CCDC92: variants seen among roughly 807,000 people sequenced by gnomAD.
The protein encoded by CCDC92 is coiled-coil domain-containing protein 92.
In CCDC92, 12 loss-of-function variants were observed where a neutral mutation model predicts 24.9. That is an observed-to-expected ratio of 0.48 (90% CI 0.31 to 0.78). The LOEUF is 0.78. Ranked by LOEUF, CCDC92 falls within the 30% of genes least tolerant of loss-of-function variation. The pLI is 0.05. For synonymous variants in CCDC92, 193 were observed against 196.3 expected (o/e 0.98, Z 0.14); for missense variants, 399 against 439.4 (o/e 0.91, Z 0.82).
At chr12:123,944,901 C>G (rs1017174253) in intron 1 of CCDC92, 4 of 152,166 alleles carry the variant, frequency 2.6e-5, no homozygotes, top group African/African-American at 9.6e-5. Context: ...ACGGCAAGTA[C>G]AGTCTCGGGG....
intron 1 of CCDC92, among the ~76,000 whole-genome samples, chr12:123,959,637 T>G (rs886373718): frequency 1.3e-5 from 2 of 152,182 alleles, no homozygotes; most frequent in Non-Finnish European, 1.5e-5. Flanking sequence ...ATCACTTAAT[T>G]CTTGAAACAA....
In CCDC92 at chr12:123,938,448, A is replaced by G. The variant is rs376918723; in HGVS notation, c.224-618T>C. Reference sequence around the variant, plus strand: ...CTTGGTCCCTCCCTGCCCCTGCCCTAACACTTCGGGCCTCTGCCTCCTTTT... The same window carrying G: ...CTTGGTCCCTCCCTGCCCCTGCCCTGACACTTCGGGCCTCTGCCTCCTTTT... On this transcript the variant is annotated intron_variant, in intron 4 of 4. Transcript: ENST00000238156. Among the ~76,000 whole-genome samples, 62 of 151,288 alleles carry G rather than the reference A, an allele frequency of 4.1e-4. 1 individual carries two copies. In the South Asian group the frequency reaches 0.013, roughly 31 times the overall value.
In CCDC92 at chr12:123,943,444, G is replaced by C. The variant is rs34599389; in HGVS notation, c.84C>G (p.His28Gln). The C allele has an allele frequency of 1.2e-3, 1,979 of 1,614,180 alleles. 21 individuals carry two copies. The African/African-American group carries it at 0.023, about 18-fold the overall frequency. ...MAATNLENQL[H>Q]SAQKNLLFLQ... is the part of the protein sequence containing the mutation. The stretch of plus-strand genomic sequence containing the variant: ...GGAACAGGAGGTTCTTCTGTGCGCT[G>C]TGCAGCTGGTTCTCCAGGTTTGTGG... The change falls in exon 3 of 5, where the codon CAC becomes CAG. Residue 28 changes from histidine to glutamine, a missense_variant. His to Gln is a conservative substitution (Grantham distance 24). Transcript: ENST00000238156.
At chr12:123,948,576 A>T (rs1242133521) in intron 1 of CCDC92, among the ~76,000 whole-genome samples, 1 of 152,212 alleles carries the variant, frequency 6.6e-6, no homozygotes, top group East Asian at 1.9e-4. Flanking sequence ...GAGCCCTCAC[A>T]GTGGGGGACA....
intron 1 of CCDC92, among the ~76,000 whole-genome samples, chr12:123,964,218 CG>C (rs768615970): frequency 3.9e-5 from 6 of 152,012 alleles, no homozygotes; most frequent in African/African-American, 1.5e-4. Flanking sequence ...AAAGTTTAAA[CG>C]TAACAGGTAC....
chr12:123,967,842 T>C (rs1188848102), intron 1 of CCDC92, among the ~76,000 whole-genome samples: 1 of 152,232 alleles, frequency 6.6e-6, no homozygotes. Flanking sequence ...ACATGGGCTT[T>C]AATGACTTCT....
Position 123,937,924 on chromosome 12 carries a change from C to A in CCDC92, c.224-94G>T. On this transcript the variant is annotated intron_variant, in intron 4 of 4. Transcript: ENST00000238156. The surrounding 1 kb of genome is among the most constrained non-coding windows in gnomAD (Gnocchi z 8.4). ...GGCAGGCGGACCTGTCTGGTGGGGGCCCTGTCTAGGCTGTGGGGGCCATGC... is the reference window on the plus strand; with the variant it reads ...GGCAGGCGGACCTGTCTGGTGGGGGACCTGTCTAGGCTGTGGGGGCCATGC... 1 of 1,321,480 alleles carries A rather than the reference C, an allele frequency of 7.6e-7. No homozygotes were observed. Among genetic ancestry groups the A allele is most frequent in the Non-Finnish European group, 1.0e-6 (1 of 965,058 alleles). The allele number at this position is 1,321,480 out of a possible 1,614,324, so 81.9% of individuals were successfully genotyped here. A position where few individuals can be genotyped will look rare whatever the true frequency, so the allele number is the denominator to read the frequency against.
intron 1 of CCDC92, chr12:123,970,071 G>A (rs568780609): frequency 6.6e-6 from 1 of 152,078 alleles, no homozygotes; most frequent in African/African-American, 2.4e-5. Context: ...ATAGCAGGTG[G>A]GTCTTTAATC....
At chr12:123,948,123 C>T (rs1955928057) in intron 1 of CCDC92, among the ~76,000 whole-genome samples, 1 of 152,204 alleles carries the variant, frequency 6.6e-6, no homozygotes, top group Non-Finnish European at 1.5e-5. Context: ...TACAGGCACA[C>T]CTTGCTCAAA....
Position 123,937,198 on chromosome 12 carries a change from T to C in CCDC92, c.856A>G (p.Lys286Glu). The C allele has an allele frequency of 6.2e-7, 1 of 1,609,816 alleles. No individual in the cohort carries two copies. The highest frequency in any genetic ancestry group is 1.1e-5 in the South Asian group (1 of 90,986). Reference protein sequence around the residue: ...QHSPAREKPHKAHVGVAHRIH... With the variant: ...QHSPAREKPHEAHVGVAHRIH... ...CGATGTGCCACCCCGACGTGGGCCT[T>C]GTGCGGCTTTTCGCGGGCCGGGCTG... The change falls in exon 5 of 5, where the codon AAG (lysine) becomes GAG (glutamate). Residue 286 changes from lysine (K) to glutamate (E), a missense_variant. Lys to Glu is a moderately conservative substitution (Grantham distance 56). Coordinates refer to ENST00000238156, the MANE Select transcript of CCDC92 (RefSeq NM_025140.3). This position sits in a 1 kb window ranked among gnomAD's most constrained non-coding sequence, Gnocchi z 8.4.
chr12:123,962,305 T>C (rs1956289542), intron 1 of CCDC92, among the ~76,000 whole-genome samples: 2 of 152,348 alleles, frequency 1.3e-5, no homozygotes, highest in South Asian at 2.1e-4. Flanking sequence ...AAATGTACAA[T>C]TGTGTTTTTA....
In CCDC92 at chr12:123,937,041, G is replaced by A; in HGVS notation, c.*17C>T. Reference sequence around the variant, plus strand: ...GCTCACAGTGCATGGACAGCGCGGGGTGGGGCACGGCGGGCTTCACACAGT... The same window carrying A: ...GCTCACAGTGCATGGACAGCGCGGGATGGGGCACGGCGGGCTTCACACAGT... On this transcript the variant is annotated 3_prime_UTR_variant, in exon 5 of 5. Transcript: ENST00000238156. This position sits in a 1 kb window ranked among gnomAD's most constrained non-coding sequence, Gnocchi z 8.4. 1 of 1,613,488 alleles carries A rather than the reference G, an allele frequency of 6.2e-7. No homozygotes were observed.
chr12:123,943,128 T>C (rs1416436579), intron 3 of CCDC92, among the ~76,000 whole-genome samples: 4 of 152,258 alleles, frequency 2.6e-5, no homozygotes, highest in Admixed American at 6.5e-5. Flanking sequence ...CTAACCATTG[T>C]ATTTTAATCT....
intron 1 of CCDC92, among the ~76,000 whole-genome samples, chr12:123,949,809 T>C (rs1210895464): frequency 6.6e-6 from 1 of 152,252 alleles, no homozygotes; most frequent in African/African-American, 2.4e-5. Context: ...CGCACTGCCG[T>C]CATTTCCTAG....
chr12:123,941,067 C>G (rs768711173), intron 4 of CCDC92, among the ~76,000 whole-genome samples: 1 of 152,182 alleles, frequency 6.6e-6, no homozygotes, highest in East Asian at 1.9e-4. Flanking sequence ...AGAACCGTGA[C>G]TGGAGAGGCC....
At chr12:123,957,665 T>A (rs1339620396) in intron 1 of CCDC92, among the ~76,000 whole-genome samples, 1 of 151,804 alleles carries the variant, frequency 6.6e-6, no homozygotes, top group Non-Finnish European at 1.5e-5. Flanking sequence ...TGCACCAGGC[T>A]TACGGATGAT....
intron 1 of CCDC92, among the ~76,000 whole-genome samples, chr12:123,947,338 GA>G (rs1955901424): frequency 6.6e-6 from 1 of 152,218 alleles, no homozygotes; most frequent in Admixed American, 6.5e-5. Flanking sequence ...AAGGGCTGAG[GA>G]GTGCAAACGT....
At chr12:123,943,537 C>T in intron 2 of CCDC92, 44 bp from the exon 3 acceptor site, 1 of 1,609,558 alleles carries the variant, frequency 6.2e-7, no homozygotes, top group Non-Finnish European at 8.5e-7. Flanking sequence ...GAAGAGGGTC[C>T]CAGGGCTGCC....
At chr12:123,958,802 G>T (rs942700406) in intron 1 of CCDC92, among the ~76,000 whole-genome samples, 1 of 152,142 alleles carries the variant, frequency 6.6e-6, no homozygotes, top group African/African-American at 2.4e-5. Flanking sequence ...ACATAAACTT[G>T]GTATTTTTTT....
Sources: allele counts gnomAD v4.1 joint callset (sites outside exome capture counted in the v4.1 genomes callset), GRCh38; gene constraint gnomAD v4.1.1; non-coding constraint Gnocchi (gnomAD v3.1); transcripts MANE v1.5; gene names NCBI Gene and HGNC (gene_info 2026-07-23, HGNC 2026-07-21).